The following WDPCP variants were observed in gnomAD, a reference collection of about 807,000 sequenced individuals.
WDPCP encodes the protein WD repeat containing planar cell polarity effector.
In WDPCP, 71 loss-of-function variants were observed where a neutral mutation model predicts 93.1. The ratio of observed to expected loss-of-function variants is 0.76; its 90% confidence interval spans 0.63 to 0.93. WDPCP has a LOEUF of 0.93. WDPCP is among the 40% of genes least tolerant of loss of function. WDPCP has a pLI of 0.00. For missense variants in WDPCP, 844 were observed against 887.4 expected (o/e 0.95, Z 0.62); for synonymous variants, 315 against 315.0 (o/e 1.00, Z 0.00).
At chr2:63,477,240 C>G (rs1239340197) in intron 6 of WDPCP, among the ~76,000 whole-genome samples, 1 of 151,946 alleles carries the variant, frequency 6.6e-6, no homozygotes, top group East Asian at 1.9e-4. Context: ...AATGTTAAAA[C>G]TATTATTCTC....
intron 14 of WDPCP, among the ~76,000 whole-genome samples, chr2:63,242,336 C>T (rs979788956): frequency 3.9e-5 from 6 of 151,902 alleles, no homozygotes; most frequent in Non-Finnish European, 7.4e-5. Flanking sequence ...ATTTGTAGAC[C>T]GCCACATTAA....
At chr2:63,215,731 GCTT>G (rs1677272171) in intron 14 of WDPCP, among the ~76,000 whole-genome samples, 1 of 152,194 alleles carries the variant, frequency 6.6e-6, no homozygotes, top group South Asian at 2.1e-4. Flanking sequence ...AAACTAAAGA[GCTT>G]CTGCACAGCA....
chr2:63,805,835 C>T, intron 2 of WDPCP, among the ~76,000 whole-genome samples: 1 of 152,060 alleles, frequency 6.6e-6, no homozygotes, highest in Admixed American at 6.5e-5. Context: ...AAATGTAATC[C>T]CTGGCTGGGT....
chr2:63,648,921 C>T (rs1284483453), intron 3 of WDPCP, among the ~76,000 whole-genome samples: 1 of 152,130 alleles, frequency 6.6e-6, no homozygotes, highest in Non-Finnish European at 1.5e-5. Context: ...CTAAAAATCC[C>T]ATATCATTTT....
At chr2:63,666,932 T>G (rs1710289133) in intron 2 of WDPCP, among the ~76,000 whole-genome samples, 1 of 152,094 alleles carries the variant, frequency 6.6e-6, no homozygotes, top group Admixed American at 6.5e-5. Flanking sequence ...GCAGCTTAAG[T>G]AATCACAATG....
intron 10 of WDPCP, among the ~76,000 whole-genome samples, chr2:63,395,956 T>A (rs1693694515): frequency 6.6e-6 from 1 of 152,188 alleles, no homozygotes; most frequent in African/African-American, 2.4e-5. Flanking sequence ...CTCAAACTCC[T>A]GACCTCAGGT....
chr2:63,686,166 TTGTTTGCAAATA>T (rs940558319), intron 2 of WDPCP, among the ~76,000 whole-genome samples: 9 of 152,206 alleles, frequency 5.9e-5, no homozygotes, highest in Non-Finnish European at 1.3e-4. Flanking sequence ...CAAGTTATCC[TTGTTTGCAAATA>T]TGATCTTATA....
intron 12 of WDPCP, among the ~76,000 whole-genome samples, chr2:63,368,043 CA>C (rs1691054606): frequency 6.6e-6 from 1 of 152,086 alleles, no homozygotes; most frequent in South Asian, 2.1e-4. Flanking sequence ...TGACAAAACT[CA>C]AATACCTTTT....
chr2:63,558,818 A>G (rs1325033293), intron 1 of WDPCP, among the ~76,000 whole-genome samples: 1 of 152,208 alleles, frequency 6.6e-6, no homozygotes, highest in Non-Finnish European at 1.5e-5. Flanking sequence ...AAACGCCAGG[A>G]CCAAATGAAT....
At chr2:63,629,103 G>A (rs1709839909) in intron 3 of WDPCP, among the ~76,000 whole-genome samples, 1 of 152,102 alleles carries the variant, frequency 6.6e-6, no homozygotes, top group Non-Finnish European at 1.5e-5. Flanking sequence ...ACCTTGTATA[G>A]ATCCCAGAAG....
chr2:63,251,785 C>A (rs13014536), intron 14 of WDPCP, among the ~76,000 whole-genome samples: 98 of 151,690 alleles, frequency 6.5e-4, no homozygotes, highest in African/African-American at 2.3e-3. Flanking sequence ...GCCACCGTGC[C>A]TAGCCAGAAA....
intron 14 of WDPCP, among the ~76,000 whole-genome samples, chr2:63,230,106 C>A (rs1175181194): frequency 7.3e-6 from 1 of 137,534 alleles, no homozygotes; most frequent in East Asian, 2.3e-4. Context: ...CCACAACAGG[C>A]CCTGGTGTGT....
chr2:63,755,188 C>T (rs1251352163), intron 2 of WDPCP, among the ~76,000 whole-genome samples: 2 of 152,196 alleles, frequency 1.3e-5, no homozygotes, highest in African/African-American at 2.4e-5. Flanking sequence ...CATTTCTGCA[C>T]TATCTTGTTC....
At chr2:63,485,362 TAAA>T (rs5831663) in intron 4 of WDPCP, among the ~76,000 whole-genome samples, 1 of 125,992 alleles carries the variant, frequency 7.9e-6, no homozygotes. Context: ...TACTCAGACC[TAAA>T]AAAAAAAAAA....
chr2:63,275,280 G>A (rs770064601), intron 13 of WDPCP, among the ~76,000 whole-genome samples: 3 of 151,940 alleles, frequency 2.0e-5, no homozygotes, highest in Non-Finnish European at 4.4e-5. Flanking sequence ...GGCAAAAAAG[G>A]AACCTACCTC....
chr2:63,354,682 A>C (rs1166496030), intron 12 of WDPCP, among the ~76,000 whole-genome samples: 1 of 151,320 alleles, frequency 6.6e-6, no homozygotes. Context: ...GTGTGTGTGT[A>C]CATATATGTG....
chr2:63,520,077 T>C (rs1273810961), intron 1 of WDPCP, among the ~76,000 whole-genome samples: 1 of 152,084 alleles, frequency 6.6e-6, no homozygotes, highest in Non-Finnish European at 1.5e-5. Context: ...ACTACAGGAA[T>C]TTCATAATTA....
intron 9 of WDPCP, among the ~76,000 whole-genome samples, chr2:63,417,122 A>G (rs1575377330): frequency 2.6e-5 from 4 of 152,234 alleles, no homozygotes; most frequent in African/African-American, 4.8e-5. Context: ...AATAGCGGCT[A>G]TTATTGTTGT....
At chr2:63,823,531 C>T (rs945883088) in intron 1 of WDPCP, among the ~76,000 whole-genome samples, 3 of 151,628 alleles carry the variant, frequency 2.0e-5, no homozygotes, top group African/African-American at 7.3e-5. Context: ...ACAAAAAAAA[C>T]TTTTCCAACC....
Sources: gnomAD v4.1 joint callset for allele counts (sites outside exome capture counted in the v4.1 genomes callset) on GRCh38, gnomAD v4.1.1 for gene constraint, MANE v1.5 for transcripts, NCBI Gene and HGNC (gene_info 2026-07-23, HGNC 2026-07-21) for gene names.